Variants in CFAP251 observed in about 807,000 individuals in gnomAD.
CFAP251 encodes cilia- and flagella-associated protein 251.
In CFAP251, 93 loss-of-function variants were observed where a neutral mutation model predicts 126.7. That is an observed-to-expected ratio of 0.73 (90% CI 0.62 to 0.87). The LOEUF is 0.87. CFAP251 is among the 40% of genes least tolerant of loss of function. The pLI, the probability that CFAP251 is intolerant of heterozygous loss-of-function variation, is 0.00. For missense variants in CFAP251, 1,287 were observed against 1,389.2 expected, an observed-to-expected ratio of 0.93 and a Z score of 1.17; for synonymous variants, 503 against 506.9, an observed-to-expected ratio of 0.99 and a Z score of 0.10.
At chr12:121,956,271 T>C (rs915171352) in intron 10 of CFAP251, among the ~76,000 whole-genome samples, 1 of 152,124 alleles carries the variant, frequency 6.6e-6, no homozygotes, top group African/African-American at 2.4e-5. Context: ...AGCGATTCTC[T>C]CCATTGTCAT....
chr12:121,983,990 CCTT>C (rs1299914061), intron 19 of CFAP251, among the ~76,000 whole-genome samples: 1 of 152,212 alleles, frequency 6.6e-6, no homozygotes, highest in African/African-American at 2.4e-5. Context: ...CGCTCCCCCT[CCTT>C]CAGGAAGTTG....
rs1441135341 is a variant in CFAP251, at chr12:121,974,189, C to T, written c.2772-1055C>T. On this transcript the variant is annotated intron_variant, in intron 17 of 21. Coordinates refer to ENST00000288912, the MANE Select transcript of CFAP251 (RefSeq NM_144668.6). The surrounding 1 kb of genome is among the most constrained non-coding windows in gnomAD (Gnocchi z 4.6). ...TAAGGGGAAACCTGATTCACTTGGT[C>T]TCTCATTCTCTCTCTTGCCACTGCC... Among the ~76,000 whole-genome samples the T allele has an allele frequency of 2.0e-5, 3 of 152,098 alleles. No individual in the cohort carries two copies.
intron 2 of CFAP251, among the ~76,000 whole-genome samples, chr12:121,923,236 C>T (rs899610271): frequency 1.3e-5 from 2 of 151,700 alleles, no homozygotes; most frequent in Non-Finnish European, 2.9e-5. Context: ...CTTTCACAAG[C>T]AGCCTCAACC....
At chr12:121,981,148 C>A (rs1319641367) in intron 19 of CFAP251, among the ~76,000 whole-genome samples, 1 of 152,010 alleles carries the variant, frequency 6.6e-6, no homozygotes, top group East Asian at 1.9e-4. Flanking sequence ...AAATTCCAAG[C>A]AAACACAAAA....
At chr12:121,972,021 C>A in intron 17 of CFAP251, 1 of 228,778 alleles carries the variant, frequency 4.4e-6, no homozygotes, top group Non-Finnish European at 8.7e-6. Flanking sequence ...GATTGTGAGG[C>A]CTCCCCAGCC....
At position 121,942,517 on chromosome 12, in the gene CFAP251, C is replaced by T. The variant is rs1368644228; in HGVS notation, c.999-17C>T. 1 of 1,598,376 alleles carries T rather than the reference C, an allele frequency of 6.3e-7. No individual in the cohort carries two copies. The highest frequency in any genetic ancestry group is 8.6e-7 in the Non-Finnish European group (1 of 1,167,398). ...GGAGACCTCAGCAAGTGTCGCCCCC[C>T]TTGTCCTGTTTTGCAGTATTCCTGT... On this transcript the variant is annotated splice_polypyrimidine_tract_variant and intron_variant, in intron 5 of 21. Coordinates refer to ENST00000288912, the MANE Select transcript of CFAP251 (RefSeq NM_144668.6).
intron 19 of CFAP251, among the ~76,000 whole-genome samples, chr12:121,990,722 T>C (rs1402772307): frequency 6.6e-6 from 1 of 152,162 alleles, no homozygotes; most frequent in African/African-American, 2.4e-5. Flanking sequence ...CTTAAAAAAA[T>C]ACATCAGTAT....
chr12:121,998,723 TA>T (rs34060310), intron 19 of CFAP251: 4 of 144,798 alleles, frequency 2.8e-5, no homozygotes, highest in Admixed American at 6.9e-5. Flanking sequence ...ACCCCGTCTC[TA>T]AAAAAAAATA....
intron 14 of CFAP251, among the ~76,000 whole-genome samples, chr12:121,961,088 A>G (rs1592987565): frequency 6.6e-6 from 1 of 152,144 alleles, no homozygotes; most frequent in East Asian, 1.9e-4. Flanking sequence ...CACTGTCTTC[A>G]TGTCCATCAG....
chr12:121,973,036 C>A (rs1306879723), intron 17 of CFAP251, among the ~76,000 whole-genome samples: 3 of 152,218 alleles, frequency 2.0e-5, no homozygotes, highest in Non-Finnish European at 4.4e-5. Context: ...GCATGTCAGA[C>A]ATCTTCTTGG....
Position 121,985,123 on chromosome 12 carries a change from C to T in CFAP251, c.3006+9438C>T, listed in dbSNP as rs542882161. ...GATATATTCAGGAGCTTGGGCATAG[C>T]TTAGGAGCATTTAGAAAGGAATTAA... On this transcript the variant is annotated intron_variant, in intron 19 of 21. Coordinates refer to ENST00000288912, the MANE Select transcript of CFAP251 (RefSeq NM_144668.6). Among the ~76,000 whole-genome samples the T allele has an allele frequency of 1.8e-3, 281 of 152,262 alleles. 2 individuals are homozygous for T. The highest frequency in any genetic ancestry group is 6.7e-3 in the African/African-American group (277 of 41,544).
chr12:121,980,767 A>G (rs1211770255), intron 19 of CFAP251, among the ~76,000 whole-genome samples: 2 of 152,058 alleles, frequency 1.3e-5, no homozygotes, highest in Admixed American at 1.3e-4. Flanking sequence ...TTTTAGTCCA[A>G]CGTTTAACCA....
chr12:121,966,160 TCCCC>T (rs1882117780), intron 15 of CFAP251, among the ~76,000 whole-genome samples: 1 of 6,134 alleles, frequency 1.6e-4, no homozygotes, highest in Non-Finnish European at 3.1e-4. Flanking sequence ...TCCCCTCCCC[TCCCC>T]TCCCCTTCCC....
chr12:121,969,634 T>TTG, intron 17 of CFAP251: 1 of 749,178 alleles, frequency 1.3e-6, no homozygotes. Context: ...CACAGGCATA[T>TTG]GCCAATGTGC....
intron 11 of CFAP251, 108 bp from the exon 12 acceptor site, chr12:121,958,164 C>T (rs2135781888): frequency 1.4e-6 from 2 of 1,480,454 alleles, no homozygotes; most frequent in South Asian, 1.3e-5. Flanking sequence ...AATAATGTCA[C>T]TAAATTACAG....
chr12:121,943,872 A>C (rs1881221146), intron 7 of CFAP251, among the ~76,000 whole-genome samples: 1 of 152,208 alleles, frequency 6.6e-6, no homozygotes, highest in Admixed American at 6.5e-5. Flanking sequence ...GCTAGCAAAA[A>C]AGATATTAAT....
chr12:121,962,637 A>G (rs190795846), intron 15 of CFAP251, among the ~76,000 whole-genome samples: 2 of 151,874 alleles, frequency 1.3e-5, no homozygotes, highest in East Asian at 3.9e-4. Context: ...GGGGCAGGTG[A>G]TGCAATGGCG....
intron 5 of CFAP251, among the ~76,000 whole-genome samples, chr12:121,937,384 A>T (rs1479001425): frequency 6.6e-6 from 1 of 152,076 alleles, no homozygotes; most frequent in Non-Finnish European, 1.5e-5. Flanking sequence ...GCACAACCTC[A>T]TCTTAACTAA....
chr12:121,946,596 T>C (rs1001771769), intron 7 of CFAP251, among the ~76,000 whole-genome samples: 1 of 152,142 alleles, frequency 6.6e-6, no homozygotes, highest in African/African-American at 2.4e-5. Flanking sequence ...TTTTGTTTTG[T>C]TTTGTTTTGT....
Sources: allele counts gnomAD v4.1 joint callset (sites outside exome capture counted in the v4.1 genomes callset), GRCh38; gene constraint gnomAD v4.1.1; non-coding constraint Gnocchi (gnomAD v3.1); transcripts MANE v1.5; gene names NCBI Gene and HGNC (gene_info 2026-07-23, HGNC 2026-07-21).